Variants in LSM14B observed in about 807,000 individuals in gnomAD.
The protein encoded by LSM14B is protein LSM14 homolog B.
A neutral mutation model predicts 42.1 loss-of-function variants in LSM14B; 8 were observed. That is an observed-to-expected ratio of 0.19 (90% CI 0.11 to 0.34). LSM14B has a LOEUF of 0.34. Among genes scored for constraint, LSM14B ranks in the 10% least tolerant of loss-of-function variants. The probability of loss-of-function intolerance (pLI) is 1.00; values close to 1 mark genes in which losing one functional copy is unlikely to be tolerated. For synonymous variants in LSM14B, 219 were observed against 209.7 expected, an observed-to-expected ratio of 1.04 and a Z score of -0.38; for missense variants, 396 against 513.1, an observed-to-expected ratio of 0.77 and a Z score of 2.21.
chr20:62,122,608 A>C lies in LSM14B; in HGVS notation c.-59A>C. The C allele has an allele frequency of 9.4e-7, 1 of 1,065,530 alleles. No homozygotes were observed. Among genetic ancestry groups the C allele is most frequent in the Non-Finnish European group, 1.1e-6 (1 of 875,534 alleles). The allele number at this position is 1,065,530 out of a possible 1,614,324, so 66.0% of individuals were successfully genotyped here. On this transcript the variant is annotated 5_prime_UTR_variant, in exon 1 of 9. Coordinates refer to ENST00000279068, the MANE Select transcript of LSM14B (RefSeq NM_144703.3). The surrounding 1 kb of genome is among the most constrained non-coding windows in gnomAD (Gnocchi z 4.6). ...CGGCCAGGCCACCGCGCGGCGGCGG[A>C]GCGGGCCGCGGCCCGGCGCTCCTTC...
intron 1 of LSM14B, chr20:62,123,418 C>G (rs1436396143): frequency 6.6e-6 from 1 of 152,432 alleles, no homozygotes; most frequent in African/African-American, 2.4e-5. Context: ...TTAAACGGTT[C>G]TCCTGCTCTA....
intron 2 of LSM14B, among the ~76,000 whole-genome samples, chr20:62,125,675 G>T (rs2056574479): frequency 6.6e-6 from 1 of 152,232 alleles, no homozygotes; most frequent in East Asian, 1.9e-4. Context: ...GACTGCATTA[G>T]GTTCTGTGCT....
Position 62,130,215 on chromosome 20 carries a change from G to T in LSM14B, c.596-4G>T. On this transcript the variant is annotated splice_region_variant and splice_polypyrimidine_tract_variant and intron_variant, in intron 4 of 8. Transcript: ENST00000279068. The surrounding 1 kb of genome is among the most constrained non-coding windows in gnomAD (Gnocchi z 4.1). ...TTGCCTTACTCTTCCCTTTTGCGCC[G>T]TAGATGTAGTCCAGCCGGCAGCTGT... The T allele has an allele frequency of 6.3e-7, 1 of 1,596,560 alleles. No individual in the cohort carries two copies. The highest frequency in any genetic ancestry group is 1.1e-5 in the South Asian group (1 of 88,156).
At chr20:62,123,925 A>G (rs2056500802) in intron 1 of LSM14B, among the ~76,000 whole-genome samples, 1 of 152,186 alleles carries the variant, frequency 6.6e-6, no homozygotes, top group Non-Finnish European at 1.5e-5. Context: ...GCTGAGGCCC[A>G]GAGTAGGCCC....
chr20:62,130,398 G>C lies in LSM14B; in HGVS notation c.673+102G>C. 6.6e-7 allele frequency: 1 copy of C among 1,525,076 alleles called. No homozygotes were observed. The highest frequency in any genetic ancestry group is 8.9e-7 in the Non-Finnish European group (1 of 1,122,484). 94.5% of individuals were successfully genotyped at this position (1,525,076 alleles called of 1,614,324 possible). ...TCTGGTTGACGGTTTCAGGGGTGCT[G>C]GTGTGAAGTCGCTGCTTGTGTGCTC... On this transcript the variant is annotated intron_variant, in intron 5 of 8. Transcript: ENST00000279068. The surrounding 1 kb of genome is among the most constrained non-coding windows in gnomAD (Gnocchi z 4.1).
rs760556220 is a variant in LSM14B, at chr20:62,130,515, C to A, written c.674-15C>A. The A allele has an allele frequency of 6.2e-7, 1 of 1,612,894 alleles. No individual in the cohort carries two copies. The highest frequency in any genetic ancestry group is 1.3e-5 in the African/African-American group (1 of 75,030). ...GGTGACCTACTTCAGCCAGGGCTGT[C>A]CTTTGTCCTCACAGGAAACAGGCGA... On this transcript the variant is annotated splice_polypyrimidine_tract_variant and intron_variant, in intron 5 of 8. Transcript: ENST00000279068. This position sits in a 1 kb window ranked among gnomAD's most constrained non-coding sequence, Gnocchi z 4.1.
chr20:62,122,812 C>CCGAGCCCGCT lies in LSM14B; in HGVS notation c.127+20_127+29dup, dbSNP rs1403812195. 6.7e-7 allele frequency: 1 copy of CCGAGCCCGCT among 1,481,688 alleles called. No individual in the cohort carries two copies. The highest frequency in any genetic ancestry group is 3.0e-5 in the East Asian group (1 of 33,148). The allele number at this position is 1,481,688 out of a possible 1,614,324, so 91.8% of individuals were successfully genotyped here. ...GCCAAAGGTAGCGGCCGCCGCCCGC[C>CCGAGCCCGCT]CGAGCCCGCTGACCCCCGTCCGCCA... is the stretch of plus-strand genomic sequence containing the variant. On this transcript the variant is annotated intron_variant, in intron 1 of 8. Coordinates refer to ENST00000279068, the MANE Select transcript of LSM14B (RefSeq NM_144703.3). This position sits in a 1 kb window ranked among gnomAD's most constrained non-coding sequence, Gnocchi z 4.6.
rs908316111 is a variant in LSM14B at position 62,135,123 on chromosome 20, A to G, written c.*975A>G. On this transcript the variant is annotated 3_prime_UTR_variant, in exon 9 of 9. Transcript: ENST00000279068. ...GGGTGGGGTCTACATTTGTTGCATG[A>G]GTCGATGGGTCAGAACTTTAGTATA... 2 of 152,244 alleles carry G rather than the reference A, an allele frequency of 1.3e-5. No homozygotes were observed. Among genetic ancestry groups the G allele is most frequent in the Admixed American group, 6.5e-5 (1 of 15,280 alleles). The allele number at this position is 152,244 out of a possible 1,614,324, so 9.4% of individuals were successfully genotyped here.
intron 7 of LSM14B, among the ~76,000 whole-genome samples, chr20:62,132,377 G>C (rs2056792807): frequency 6.6e-6 from 1 of 152,234 alleles, no homozygotes; most frequent in Non-Finnish European, 1.5e-5. Flanking sequence ...GCCATCAGAG[G>C]GTTTTGTGCT....
At chr20:62,125,452 G>A (rs2056565261) in intron 2 of LSM14B, among the ~76,000 whole-genome samples, 1 of 152,252 alleles carries the variant, frequency 6.6e-6, no homozygotes, top group South Asian at 2.1e-4. Context: ...GCTGCTGTGA[G>A]TGGCGTGACC....
Position 62,130,356 on chromosome 20 carries a change from G to A in LSM14B, c.673+60G>A. ...CGAGTGATCAGGCTGAGCTCTGCTT[G>A]CCCTCCTGCCTGCTTCTCTGGTTGA... On this transcript the variant is annotated intron_variant, in intron 5 of 8. Coordinates refer to ENST00000279068, the MANE Select transcript of LSM14B (RefSeq NM_144703.3). This position sits in a 1 kb window ranked among gnomAD's most constrained non-coding sequence, Gnocchi z 4.1. 2 of 1,546,664 alleles carry A rather than the reference G, an allele frequency of 1.3e-6. No homozygotes were observed. The highest frequency in any genetic ancestry group is 2.4e-5 in the East Asian group (1 of 41,320).
chr20:62,125,543 G>C (rs992618768), intron 2 of LSM14B, among the ~76,000 whole-genome samples: 9 of 152,256 alleles, frequency 5.9e-5, no homozygotes, highest in African/African-American at 2.2e-4. Context: ...AGATTTGCAA[G>C]TCTGATGCCA....
chr20:62,131,039 ACT>A (rs1307505777), intron 6 of LSM14B, among the ~76,000 whole-genome samples: 3 of 152,050 alleles, frequency 2.0e-5, no homozygotes, highest in Non-Finnish European at 4.4e-5. Context: ...ATAGAGCAAG[ACT>A]CTGTCTCAAG....
chr20:62,131,966 C>T (rs935718428), intron 7 of LSM14B, among the ~76,000 whole-genome samples: 1 of 152,238 alleles, frequency 6.6e-6, no homozygotes, highest in Non-Finnish European at 1.5e-5. Context: ...TCACACCTAA[C>T]AGCTGGTCAG....
At chr20:62,127,553 C>T (rs1182966363) in intron 3 of LSM14B, 1 of 1,463,348 alleles carries the variant, frequency 6.8e-7, no homozygotes, top group East Asian at 2.5e-5. Flanking sequence ...TGTGTGCTTT[C>T]TTTTTGCTCT....
In LSM14B at chr20:62,130,692, G is replaced by A; in HGVS notation, c.835+1G>A. 6.2e-7 allele frequency: 1 copy of A among 1,612,964 alleles called. No homozygotes were observed. The highest frequency in any genetic ancestry group is 8.5e-7 in the Non-Finnish European group (1 of 1,179,708). ...TTTAAGAAGAAACTGAATTTTAAAG[G>A]TTTGGCTCATTATATGAAAATTATT... is the stretch of plus-strand genomic sequence containing the variant. On this transcript the variant is annotated splice_donor_variant, in intron 6 of 8. Coordinates refer to ENST00000279068, the MANE Select transcript of LSM14B (RefSeq NM_144703.3). LOFTEE classifies it high-confidence loss of function. This position sits in a 1 kb window ranked among gnomAD's most constrained non-coding sequence, Gnocchi z 4.1.
rs769038189 is a variant in LSM14B at position 62,131,526 on chromosome 20, AG to A, written c.986+24del. 1.2e-6 allele frequency: 2 copies of A among 1,610,098 alleles called. No individual in the cohort carries two copies. Among genetic ancestry groups the A allele is most frequent in the East Asian group, 2.2e-5 (1 of 44,866 alleles). ...GACCAGGTGAGAGGCTGAATGAATG[AG>A]GGGAGGACAGTCCTCCAATCTAGAA... On this transcript the variant is annotated intron_variant, in intron 7 of 8. Transcript: ENST00000279068.
At position 62,122,595 on chromosome 20, in the gene LSM14B, C is replaced by A; in HGVS notation, c.-72C>A. ...GCGCAGGAGCGGGCGGCCAGGCCAC[C>A]GCGCGGCGGCGGAGCGGGCCGCGGC... is the stretch of plus-strand genomic sequence containing the variant. On this transcript the variant is annotated 5_prime_UTR_variant, in exon 1 of 9. Transcript: ENST00000279068. The surrounding 1 kb of genome is among the most constrained non-coding windows in gnomAD (Gnocchi z 4.6). 9.8e-7 allele frequency: 1 copy of A among 1,022,108 alleles called. No homozygotes were observed. The highest frequency in any genetic ancestry group is 1.2e-6 in the Non-Finnish European group (1 of 848,278). The allele number at this position is 1,022,108 out of a possible 1,614,324, so 63.3% of individuals were successfully genotyped here. A position where few individuals can be genotyped will look rare whatever the true frequency, so the allele number is the denominator to read the frequency against.
At position 62,129,941 on chromosome 20, in the gene LSM14B, A is replaced by C. The variant is rs761093038; in HGVS notation, c.584A>C (p.Lys195Thr). The C allele has an allele frequency of 7.4e-6, 12 of 1,613,070 alleles. No homozygotes were observed. The East Asian group carries it at 2.5e-4, about 33-fold the overall frequency. The change falls in exon 4 of 9, where the codon AAG (lysine) becomes ACG (threonine). Residue 195 changes from lysine (K) to threonine (T), a missense_variant. By Grantham distance (78) the Lys-to-Thr change is moderately conservative. Coordinates refer to ENST00000279068, the MANE Select transcript of LSM14B (RefSeq NM_144703.3). ...GGTCGTCAGGCCCAGCCGAGCAGCA[A>C]GACGGCCAGCGGTACTTGAACACAT... ...LNGRQAQPSS[K>T]TASDVVQPAA...
Sources: allele counts gnomAD v4.1 joint callset (sites outside exome capture counted in the v4.1 genomes callset), GRCh38; gene constraint gnomAD v4.1.1; non-coding constraint Gnocchi (gnomAD v3.1); transcripts MANE v1.5; gene names NCBI Gene and HGNC (gene_info 2026-07-23, HGNC 2026-07-21).